Variants in DOCK11 observed in about 807,000 individuals in gnomAD.
DOCK11 encodes dedicator of cytokinesis 11.
Under a neutral mutation model 169.1 loss-of-function variants are expected in DOCK11, and 70 were observed. That is an observed-to-expected ratio of 0.41 (90% CI 0.34 to 0.51). DOCK11 has a LOEUF of 0.51. DOCK11 is among the 20% of genes least tolerant of loss of function. The pLI is 0.10. For synonymous variants in DOCK11, 529 were observed against 541.3 expected (o/e 0.98, Z 0.32); for missense variants, 1,166 against 1,538.8 (o/e 0.76, Z 4.05).
At chrX:118,671,547 C>T (rs1388478270) in intron 46 of DOCK11, among the ~76,000 whole-genome samples, 1 of 111,973 alleles carries the variant, frequency 8.9e-6, no homozygotes, top group Non-Finnish European at 1.9e-5. Flanking sequence ...ATAAAACTTC[C>T]TCTGGTCCTG....
At chrX:118,605,421 G>T in intron 24 of DOCK11, 65 bp downstream of exon 24, 2 of 799,290 alleles carry the variant, frequency 2.5e-6, no homozygotes, top group Non-Finnish European at 1.8e-6. Context: ...TTTTAATGGA[G>T]GTATTCATTA....
intron 30 of DOCK11, among the ~76,000 whole-genome samples, chrX:118,616,743 T>C (rs1318377481): frequency 9.0e-6 from 1 of 111,511 alleles, no homozygotes; most frequent in Non-Finnish European, 1.9e-5. Flanking sequence ...GTCCTGGCCC[T>C]TGTGCATAGA....
intron 44 of DOCK11, among the ~76,000 whole-genome samples, chrX:118,658,092 G>GA (rs761727480): frequency 4.5e-5 from 5 of 111,014 alleles, no homozygotes; most frequent in African/African-American, 9.8e-5. Context: ...GTGCAGAACT[G>GA]AAAAAAAATC....
intron 30 of DOCK11, 131 bp downstream of exon 30, chrX:118,615,842 C>A: frequency 1.9e-6 from 1 of 513,609 alleles, no homozygotes; most frequent in South Asian, 3.0e-5. Flanking sequence ...ATCTGAAGTC[C>A]ATTAATGTTT....
chrX:118,585,906 C>A (rs2013801786), intron 16 of DOCK11, among the ~76,000 whole-genome samples: 1 of 112,138 alleles, frequency 8.9e-6, no homozygotes, highest in African/African-American at 3.2e-5. Context: ...GAAAAATATT[C>A]AATCTTAGTA....
intron 9 of DOCK11, among the ~76,000 whole-genome samples, chrX:118,567,868 A>G (rs2013129394): frequency 1.8e-5 from 2 of 111,919 alleles, no homozygotes; most frequent in Admixed American, 1.9e-4. Flanking sequence ...AGCTAACATA[A>G]TGGCTATGAA....
In DOCK11 at chrX:118,631,396, TAATAA is replaced by T. The variant is rs1418535802; in HGVS notation, c.3886+914_3886+918del. On this transcript the variant is annotated intron_variant, in intron 35 of 52. Transcript: ENST00000276202. Reference sequence around the variant, plus strand: ...GATATGAGTAAATTCTAAAGTTCATTAATAAAATAAAAATAACTGGAATATTCAAG... The same window carrying T: ...GATATGAGTAAATTCTAAAGTTCATTAATAAAAATAACTGGAATATTCAAG... 2.7e-5 allele frequency among the ~76,000 whole-genome samples: 3 copies of T among 111,804 alleles called. No homozygotes were observed. The East Asian group carries it at 8.3e-4, about 31-fold the overall frequency.
chrX:118,651,791 A>G (rs766160026), intron 41 of DOCK11, among the ~76,000 whole-genome samples, 173 bp from the exon 42 acceptor site: 7 of 112,147 alleles, frequency 6.2e-5, no homozygotes, highest in Non-Finnish European at 1.1e-4. Context: ...TCAAGTTACT[A>G]TTTCAGCAGA....
At chrX:118,570,562 T>G in intron 10 of DOCK11, among the ~76,000 whole-genome samples, 1 of 112,213 alleles carries the variant, frequency 8.9e-6, no homozygotes, top group African/African-American at 3.2e-5. Flanking sequence ...TTGGGCCCTT[T>G]TAAGGAGGTT....
intron 48 of DOCK11, among the ~76,000 whole-genome samples, chrX:118,680,169 C>T (rs758264939): frequency 5.0e-4 from 55 of 109,406 alleles, no homozygotes; most frequent in African/African-American, 1.8e-3. Context: ...TCAAGTGATC[C>T]GCCCGCCTCG....
intron 31 of DOCK11, among the ~76,000 whole-genome samples, chrX:118,621,150 A>T (rs2014961167): frequency 8.9e-6 from 1 of 112,642 alleles, no homozygotes; most frequent in Non-Finnish European, 1.9e-5. Flanking sequence ...TCTTTCAATG[A>T]CTTCTGAAGC....
chrX:118,605,093 C>T lies in DOCK11; in HGVS notation c.2563-145C>T. Reference sequence around the variant, plus strand: ...TGGATTAAGTAATTAACAAAAAAGCCCCCTATCCAATGGAAAGCTCACTTT... The same window carrying T: ...TGGATTAAGTAATTAACAAAAAAGCTCCCTATCCAATGGAAAGCTCACTTT... On this transcript the variant is annotated intron_variant, in intron 23 of 52. Transcript: ENST00000276202. The T allele has an allele frequency of 1.5e-5, 6 of 389,485 alleles. No homozygotes were observed. The South Asian group carries it at 2.4e-4, about 16-fold the overall frequency. The allele number at this position is 389,485 out of a possible 1,213,427, so 32.1% of individuals were successfully genotyped here.
chrX:118,516,107 TTTTG>T (rs2057685419), intron 1 of DOCK11, among the ~76,000 whole-genome samples: 1 of 84,660 alleles, frequency 1.2e-5, no homozygotes, highest in African/African-American at 4.7e-5. Flanking sequence ...TTTTTTTTTT[TTTTG>T]TGATGGAGTC....
At chrX:118,562,493 C>T (rs1413490082) in intron 7 of DOCK11, among the ~76,000 whole-genome samples, 1 of 111,578 alleles carries the variant, frequency 9.0e-6, no homozygotes, top group Non-Finnish European at 1.9e-5. Context: ...CATTTGCCTT[C>T]TCCAAATCTT....
intron 20 of DOCK11, 65 bp downstream of exon 20, chrX:118,593,402 C>A: frequency 9.5e-7 from 1 of 1,050,851 alleles, no homozygotes; most frequent in Non-Finnish European, 1.3e-6. Context: ...AGGGTATAAC[C>A]TCTTTTCACC....
intron 45 of DOCK11, among the ~76,000 whole-genome samples, chrX:118,663,976 A>G (rs1449418445): frequency 9.0e-6 from 1 of 110,996 alleles, no homozygotes; most frequent in Non-Finnish European, 1.9e-5. Context: ...CCTGGCCTCA[A>G]AGATTTTTGA....
chrX:118,648,844 C>T (rs1367312740), intron 40 of DOCK11, 101 bp from the exon 41 acceptor site: 5 of 722,337 alleles, frequency 6.9e-6, no homozygotes, highest in African/African-American at 2.2e-5. Flanking sequence ...ATCCTCAAAG[C>T]CCCCAGCATA....
intron 1 of DOCK11, among the ~76,000 whole-genome samples, chrX:118,519,274 A>C (rs1171671391): frequency 8.9e-6 from 1 of 112,184 alleles, no homozygotes; most frequent in Non-Finnish European, 1.9e-5. Context: ...TCAGCTGGGC[A>C]CGGTGGCTCA....
chrX:118,581,959 GTC>G lies in DOCK11; in HGVS notation c.1595+1784_1595+1785del, dbSNP rs747039394. 1.1e-3 allele frequency among the ~76,000 whole-genome samples: 120 copies of G among 108,997 alleles called. 1 individual carries two copies. The highest frequency in any genetic ancestry group is 3.9e-3 in the African/African-American group (116 of 29,879). The allele number at this position is 108,997 out of a possible 115,157, so 94.7% of individuals were successfully genotyped here. A position where few individuals can be genotyped will look rare whatever the true frequency, so the allele number is the denominator to read the frequency against. ...AGCCTGGCCAACATGGTGAAACCCC[GTC>G]TCTGCTAAAAATATAAAAATTAGCC... On this transcript the variant is annotated intron_variant, in intron 14 of 52. Transcript: ENST00000276202.
Sources: allele counts gnomAD v4.1 joint callset (sites outside exome capture counted in the v4.1 genomes callset), GRCh38; gene constraint gnomAD v4.1.1; transcripts MANE v1.5; gene names NCBI Gene and HGNC (gene_info 2026-07-23, HGNC 2026-07-21).